The following PPM1L variants were observed in gnomAD, a reference collection of about 807,000 sequenced individuals.
The protein encoded by PPM1L is protein phosphatase 1L.
A neutral mutation model predicts 31.4 loss-of-function variants in PPM1L; 13 were observed. The ratio of observed to expected loss-of-function variants is 0.41; its 90% confidence interval spans 0.27 to 0.66. The LOEUF is 0.66. PPM1L is among the 30% of genes least tolerant of loss of function. PPM1L has a pLI of 0.29. For missense variants in PPM1L, 326 were observed against 453.7 expected (o/e 0.72, Z 2.56); for synonymous variants, 184 against 175.4 (o/e 1.05, Z -0.39).
At chr3:160,961,646 G>T in intron 1 of PPM1L, 90 bp from the exon 2 acceptor site, 1 of 1,174,452 alleles carries the variant, frequency 8.5e-7, no homozygotes, top group South Asian at 1.8e-5. Flanking sequence ...ACAGTGCTTT[G>T]AGCTTTCTCT....
Position 161,002,829 on chromosome 3 carries a change from G to T in PPM1L, c.574+40919G>T, listed in dbSNP as rs1275587720. Among the ~76,000 whole-genome samples the T allele has an allele frequency of 2.2e-3, 304 of 136,978 alleles. 5 individuals carry two copies. Among genetic ancestry groups the T allele is most frequent in the Non-Finnish European group, 1.3e-3 (84 of 64,640 alleles). The allele number at this position is 136,978 out of a possible 152,430, so 89.9% of individuals were successfully genotyped here. ...TGGTAGTTTCTTTTGCTGTGCAGAA[G>T]CTCTTTAGTTTAATTAGATCCCATT... On this transcript the variant is annotated intron_variant, in intron 2 of 3. Transcript: ENST00000498165.
At chr3:160,920,615 T>TCACACACACA (rs1162244272) in intron 1 of PPM1L, among the ~76,000 whole-genome samples, 1 of 28,662 alleles carries the variant, frequency 3.5e-5, no homozygotes, top group East Asian at 5.2e-4. Flanking sequence ...TCTCTCTCTC[T>TCACACACACA]CACACACACA....
chr3:161,070,883 CACTTA>C lies in PPM1L; in HGVS notation c.*1731_*1735del, dbSNP rs1376388404. On this transcript the variant is annotated 3_prime_UTR_variant, in exon 4 of 4. Transcript: ENST00000498165. The stretch of plus-strand genomic sequence containing the variant: ...TGCAATCTGTCTTGATTTCTCCAAG[CACTTA>C]ACTTTCTTTGACTGCACTGAGAATT... The C allele has an allele frequency of 2.0e-5, 3 of 152,230 alleles. No individual in the cohort carries two copies. Among genetic ancestry groups the C allele is most frequent in the South Asian group, 4.1e-4 (2 of 4,834 alleles). The allele number at this position is 152,230 out of a possible 1,614,324, so 9.4% of individuals were successfully genotyped here. A position where few individuals can be genotyped will look rare whatever the true frequency, so the allele number is the denominator to read the frequency against.
intron 2 of PPM1L, among the ~76,000 whole-genome samples, chr3:160,965,858 C>G (rs1391287839): frequency 6.6e-6 from 1 of 151,990 alleles, no homozygotes; most frequent in African/African-American, 2.4e-5. Flanking sequence ...GATAAATCAG[C>G]CTGAGTGACT....
At chr3:160,873,592 G>T (rs1712395957) in intron 1 of PPM1L, among the ~76,000 whole-genome samples, 1 of 152,026 alleles carries the variant, frequency 6.6e-6, no homozygotes, top group Admixed American at 6.6e-5. Flanking sequence ...CTATCGCCCA[G>T]GTTAGAGTGC....
At chr3:160,906,874 A>C (rs969747568) in intron 1 of PPM1L, among the ~76,000 whole-genome samples, 22 of 152,208 alleles carry the variant, frequency 1.4e-4, no homozygotes, top group African/African-American at 5.3e-4. Flanking sequence ...ATAAGCTTCC[A>C]CAGAGCAGCT....
At chr3:161,017,609 C>T (rs969310690) in intron 2 of PPM1L, among the ~76,000 whole-genome samples, 2 of 152,104 alleles carry the variant, frequency 1.3e-5, no homozygotes, top group Non-Finnish European at 2.9e-5. Flanking sequence ...CCAGAATTGT[C>T]GTGGGAGGTT....
At chr3:161,033,911 C>T (rs1022985604) in intron 2 of PPM1L, among the ~76,000 whole-genome samples, 1 of 152,138 alleles carries the variant, frequency 6.6e-6, no homozygotes, top group African/African-American at 2.4e-5. Context: ...AGGCAACCTA[C>T]AGAATGGGAG....
chr3:161,006,532 T>A (rs1033357481), intron 2 of PPM1L, among the ~76,000 whole-genome samples: 3 of 152,212 alleles, frequency 2.0e-5, no homozygotes, highest in African/African-American at 7.2e-5. Flanking sequence ...TAAAAAAGTT[T>A]TTTTTAAAGT....
At chr3:160,818,833 C>A (rs1041251207) in intron 1 of PPM1L, among the ~76,000 whole-genome samples, 4 of 151,924 alleles carry the variant, frequency 2.6e-5, no homozygotes, top group Admixed American at 6.6e-5. Flanking sequence ...ATACATTTAT[C>A]ATTTCTTTTT....
chr3:160,991,523 A>G (rs527942501), intron 2 of PPM1L, among the ~76,000 whole-genome samples: 112 of 152,306 alleles, frequency 7.4e-4, no homozygotes, highest in African/African-American at 2.6e-3. Flanking sequence ...GAACCTAGAA[A>G]ATAGGAACAG....
chr3:160,903,726 A>C (rs111688482), intron 1 of PPM1L, among the ~76,000 whole-genome samples: 1 of 152,080 alleles, frequency 6.6e-6, no homozygotes, highest in Admixed American at 6.6e-5. Context: ...GTGTGCACAC[A>C]TGGAGGTGGG....
intron 1 of PPM1L, among the ~76,000 whole-genome samples, chr3:160,801,933 C>T (rs150003501): frequency 6.6e-6 from 1 of 152,240 alleles, no homozygotes; most frequent in Non-Finnish European, 1.5e-5. Context: ...TAGCCACCGC[C>T]TAATCTGCCG....
chr3:160,977,075 C>T (rs1476984645), intron 2 of PPM1L, among the ~76,000 whole-genome samples: 1 of 152,022 alleles, frequency 6.6e-6, no homozygotes, highest in African/African-American at 2.4e-5. Context: ...TATGTTGTGT[C>T]TTTGTTCTCG....
chr3:160,902,758 C>G (rs1376467511), intron 1 of PPM1L, among the ~76,000 whole-genome samples: 2 of 152,104 alleles, frequency 1.3e-5, no homozygotes, highest in South Asian at 2.1e-4. Context: ...TTTTTAGATT[C>G]AACCATCAGA....
intron 1 of PPM1L, among the ~76,000 whole-genome samples, chr3:160,824,816 T>C (rs975846771): frequency 3.2e-4 from 48 of 152,320 alleles, no homozygotes; most frequent in African/African-American, 1.0e-3. Context: ...AAACTGTATC[T>C]TCTAAGATTC....
intron 1 of PPM1L, among the ~76,000 whole-genome samples, chr3:160,914,925 A>G (rs564117549): frequency 1.3e-5 from 2 of 152,134 alleles, no homozygotes; most frequent in Non-Finnish European, 1.5e-5. Context: ...AAGTGTTCCT[A>G]TTTCTCCACA....
intron 1 of PPM1L, among the ~76,000 whole-genome samples, chr3:160,850,953 A>T (rs1375967919): frequency 6.6e-6 from 1 of 150,856 alleles, no homozygotes; most frequent in African/African-American, 2.4e-5. Flanking sequence ...CATACTTGTC[A>T]GAGAGTAATC....
At chr3:161,057,417 C>T (rs1309931867) in intron 2 of PPM1L, among the ~76,000 whole-genome samples, 1 of 152,110 alleles carries the variant, frequency 6.6e-6, no homozygotes, top group African/African-American at 2.4e-5. Context: ...TAAGAAAACA[C>T]TTCACGACTC....
Sources: allele counts gnomAD v4.1 joint callset (sites outside exome capture counted in the v4.1 genomes callset), GRCh38; gene constraint gnomAD v4.1.1; transcripts MANE v1.5; gene names NCBI Gene and HGNC (gene_info 2026-07-23, HGNC 2026-07-21).